Variants in TGFBR1 observed in about 807,000 individuals in gnomAD.
The protein encoded by TGFBR1 is TGF-beta receptor type-1.
A neutral mutation model predicts 55.1 loss-of-function variants in TGFBR1; 20 were observed. The ratio of observed to expected loss-of-function variants is 0.36; its 90% CI spans 0.26 to 0.53. The LOEUF is 0.53. TGFBR1 is among the 20% of genes least tolerant of loss of function. The pLI is 0.91. For synonymous variants in TGFBR1, 220 were observed against 214.8 expected, an observed-to-expected ratio of 1.02 and a Z score of -0.21; for missense variants, 385 against 617.6, an observed-to-expected ratio of 0.62 and a Z score of 3.99.
chr9:99,128,594 A>G (rs1827111514), intron 1 of TGFBR1: 2 of 561,454 alleles, frequency 3.6e-6, no homozygotes, highest in South Asian at 1.7e-5. Flanking sequence ...AAATTTTTCT[A>G]TACTTGGAAG....
At chr9:99,105,033 A>C, upstream of TGFBR1, 119 of 335,926 alleles carry the variant, frequency 3.5e-4, no homozygotes, top group Non-Finnish European at 4.9e-4. Context: ...GGCGGCGGGG[A>C]GGCGGGGCCG....
At chr9:99,104,898 G>A (rs1826353610), upstream of TGFBR1, among the ~76,000 whole-genome samples, 1 of 152,056 alleles carries the variant, frequency 6.6e-6, no homozygotes, top group Admixed American at 6.5e-5. Flanking sequence ...GCCGGGGCTG[G>A]GGTCTGGCGG....
chr9:99,119,491 TC>T (rs1826840533), intron 1 of TGFBR1, among the ~76,000 whole-genome samples: 1 of 152,222 alleles, frequency 6.6e-6, no homozygotes, highest in Admixed American at 6.5e-5. Flanking sequence ...CTGTAGATTA[TC>T]AAGTAATCCT....
chr9:99,117,456 T>G (rs897600739), intron 1 of TGFBR1, among the ~76,000 whole-genome samples: 4 of 152,160 alleles, frequency 2.6e-5, no homozygotes, highest in Non-Finnish European at 4.4e-5. Flanking sequence ...CCCAAATGTT[T>G]TAAAAATGTT....
At chr9:99,108,496 A>G (rs1158221308) in intron 1 of TGFBR1, among the ~76,000 whole-genome samples, 3 of 152,208 alleles carry the variant, frequency 2.0e-5, no homozygotes, top group East Asian at 1.9e-4. Flanking sequence ...TATCATTTCT[A>G]TAGGGAGGCA....
rs181280676 is a variant in TGFBR1 at position 99,141,921 on chromosome 9, T to A, written c.806-615T>A. On this transcript the variant is annotated intron_variant, in intron 4 of 8. Transcript: ENST00000374994. Reference sequence around the variant, plus strand: ...TTGCTCCTGACATTTCAGTTCCTATTTCAGCTTCCCCATGTGTTAGAGGTA... The same window carrying A: ...TTGCTCCTGACATTTCAGTTCCTATATCAGCTTCCCCATGTGTTAGAGGTA... Among the ~76,000 whole-genome samples, 211 of 152,332 alleles carry A rather than the reference T, an allele frequency of 1.4e-3. 1 individual carries two copies. Among genetic ancestry groups the A allele is most frequent in the African/African-American group, 4.8e-3 (199 of 41,580 alleles).
intron 1 of TGFBR1, among the ~76,000 whole-genome samples, chr9:99,112,479 T>C (rs1365849408): frequency 1.3e-5 from 2 of 152,242 alleles, no homozygotes; most frequent in Admixed American, 6.5e-5. Flanking sequence ...TATTTACTTA[T>C]CATATGTACT....
chr9:99,118,716 G>C (rs1010062170), intron 1 of TGFBR1, among the ~76,000 whole-genome samples: 4 of 149,546 alleles, frequency 2.7e-5, no homozygotes, highest in Non-Finnish European at 4.4e-5. Flanking sequence ...CCTGATCATG[G>C]CTCACTGCAG....
chr9:99,115,302 C>G (rs1826703483), intron 1 of TGFBR1, among the ~76,000 whole-genome samples: 1 of 152,112 alleles, frequency 6.6e-6, no homozygotes, highest in Admixed American at 6.5e-5. Context: ...GAAAACCATT[C>G]CATCTAGATT....
chr9:99,145,814 C>G (rs1827776753), intron 6 of TGFBR1: 2 of 153,598 alleles, frequency 1.3e-5, no homozygotes, highest in Admixed American at 1.3e-4. Flanking sequence ...GAGCCAGCAG[C>G]ATTAGTCTAT....
intron 5 of TGFBR1, 122 bp from the exon 6 acceptor site, chr9:99,144,610 A>G (rs1013350676): frequency 4.8e-6 from 5 of 1,046,496 alleles, no homozygotes; most frequent in Non-Finnish European, 7.3e-6. Flanking sequence ...TAAGTATTGT[A>G]GGTCATGTGG....
At chr9:99,148,252 C>T (rs942694459) in intron 8 of TGFBR1, among the ~76,000 whole-genome samples, 1 of 152,128 alleles carries the variant, frequency 6.6e-6, no homozygotes, top group African/African-American at 2.4e-5. Context: ...AATGATTTTC[C>T]GTTTTATTCA....
At chr9:99,137,688 C>G (rs1827478859) in intron 3 of TGFBR1, among the ~76,000 whole-genome samples, 171 bp from the exon 4 acceptor site, 1 of 152,106 alleles carries the variant, frequency 6.6e-6, no homozygotes, top group Non-Finnish European at 1.5e-5. Flanking sequence ...ATCTTATTTT[C>G]CTTTTTTAAT....
intron 2 of TGFBR1, among the ~76,000 whole-genome samples, chr9:99,130,495 A>G (rs577647923): frequency 6.6e-6 from 1 of 152,274 alleles, no homozygotes; most frequent in Non-Finnish European, 1.5e-5. Context: ...TGATGAAAGC[A>G]TCTGCAGTTA....
intron 1 of TGFBR1, among the ~76,000 whole-genome samples, chr9:99,118,786 A>G (rs191023328): frequency 2.4e-3 from 369 of 151,822 alleles, no homozygotes; most frequent in African/African-American, 8.8e-3. Context: ...AGCTGGGACT[A>G]CAGGTGCGTG....
intron 1 of TGFBR1, among the ~76,000 whole-genome samples, chr9:99,107,716 C>T (rs1826454731): frequency 6.6e-6 from 1 of 152,220 alleles, no homozygotes; most frequent in African/African-American, 2.4e-5. Flanking sequence ...GTATTCAGCA[C>T]TTAGAACAAC....
intron 5 of TGFBR1, 56 bp from the exon 6 acceptor site, chr9:99,144,676 T>C (rs1032420880): frequency 6.2e-7 from 1 of 1,605,186 alleles, no homozygotes; most frequent in African/African-American, 1.3e-5. Flanking sequence ...CCTAAAGATG[T>C]GAGTTGTGAT....
rs936572728 is a variant in TGFBR1 at position 99,130,771 on chromosome 9, A to G, written c.343+1671A>G. ...GAAATAGGTTTACCACATGATAGGG[A>G]AGAACTTTCAAACAGTACAGGGTCT... On this transcript the variant is annotated intron_variant, in intron 2 of 8. Transcript: ENST00000374994. Among the ~76,000 whole-genome samples the G allele has an allele frequency of 2.1e-4, 32 of 152,252 alleles. 1 individual carries two copies. Among genetic ancestry groups the G allele is most frequent in the Non-Finnish European group, 3.8e-4 (26 of 68,038 alleles).
chr9:99,119,190 C>T (rs973853291), intron 1 of TGFBR1, among the ~76,000 whole-genome samples: 3 of 152,304 alleles, frequency 2.0e-5, no homozygotes, highest in South Asian at 4.1e-4. Flanking sequence ...ACAGATCTTT[C>T]GCTGTTTGCT....
Sources: allele counts gnomAD v4.1 joint callset (sites outside exome capture counted in the v4.1 genomes callset), GRCh38; gene constraint gnomAD v4.1.1; transcripts MANE v1.5; gene names NCBI Gene and HGNC (gene_info 2026-07-23, HGNC 2026-07-21).